The following SACM1L variants were observed in gnomAD, a reference collection of about 807,000 sequenced individuals.
SACM1L encodes phosphatidylinositol-3-phosphatase SAC1.
SACM1L carries 32 observed loss-of-function variants against 89.5 expected under a neutral mutation model. The observed-to-expected ratio is 0.36, with a 90% confidence interval of 0.27 to 0.48. The LOEUF (loss-of-function observed/expected upper bound fraction) is 0.48, where lower values mean the gene tolerates loss of function less well. SACM1L is among the 20% of genes least tolerant of loss of function. SACM1L has a pLI of 0.99. For synonymous variants in SACM1L, 213 were observed against 232.8 expected (o/e 0.92, Z 0.77); for missense variants, 543 against 708.5 (o/e 0.77, Z 2.65).
rs890534679 is a variant in SACM1L, at chr3:45,743,590, G to A, written c.1685G>A (p.Gly562Glu). 1.2e-6 allele frequency: 2 copies of A among 1,614,036 alleles called. No individual in the cohort carries two copies. Among genetic ancestry groups the A allele is most frequent in the Admixed American group, 3.3e-5 (2 of 59,998 alleles). Reference protein sequence around the residue: ...YVLFWGVASIGTFFIILYNGK... With the variant: ...YVLFWGVASIETFFIILYNGK... ...CTCTTCTGGGGAGTTGCAAGCATTG[G>A]AACATTTTTTATCATTCTTTACAAT... is the stretch of plus-strand genomic sequence containing the variant. Residue 562 changes from glycine (G) to glutamate (E), a missense_variant, in exon 20 of 20, where the codon GGA becomes GAA. Physicochemically the swap from Gly to Glu is moderately conservative, Grantham distance 98. Coordinates refer to ENST00000389061, the MANE Select transcript of SACM1L (RefSeq NM_014016.5).
chr3:45,727,838 G>A (rs377178619), intron 11 of SACM1L, among the ~76,000 whole-genome samples: 4 of 152,142 alleles, frequency 2.6e-5, no homozygotes. Context: ...CTCGTGATCT[G>A]CCCGCCTCGG....
At chr3:45,690,921 C>T (rs1355045160) in intron 1 of SACM1L, among the ~76,000 whole-genome samples, 1 of 139,250 alleles carries the variant, frequency 7.2e-6, no homozygotes, top group African/African-American at 2.4e-5. Context: ...CACCAGGTCT[C>T]AAATGTGTTT....
intron 1 of SACM1L, among the ~76,000 whole-genome samples, chr3:45,695,821 C>G (rs1698108655): frequency 6.6e-6 from 1 of 152,100 alleles, no homozygotes; most frequent in African/African-American, 2.4e-5. Flanking sequence ...TTAAACAACT[C>G]CCCATTTCTG....
intron 5 of SACM1L, among the ~76,000 whole-genome samples, chr3:45,710,679 T>G (rs151217153): frequency 1.3e-5 from 2 of 152,238 alleles, no homozygotes; most frequent in Non-Finnish European, 2.9e-5. Context: ...CCATCTTACT[T>G]ATTAGGTTGG....
At chr3:45,738,747 A>G (rs766682304) in intron 17 of SACM1L, 34 bp from the exon 18 acceptor site, 2 of 1,541,840 alleles carry the variant, frequency 1.3e-6, no homozygotes, top group African/African-American at 1.4e-5. Context: ...GTTATCTCAC[A>G]CTGAGTTTAC....
chr3:45,704,420 A>G (rs1230950366), intron 2 of SACM1L, among the ~76,000 whole-genome samples: 1 of 152,120 alleles, frequency 6.6e-6, no homozygotes, highest in Non-Finnish European at 1.5e-5. Context: ...TAGGTACTAT[A>G]TATAGTTTGT....
At chr3:45,709,436 T>C (rs1393151709) in intron 4 of SACM1L, 62 bp from the exon 5 acceptor site, 8 of 1,424,634 alleles carry the variant, frequency 5.6e-6, no homozygotes, top group Non-Finnish European at 7.7e-6. Flanking sequence ...ATTTGTATTC[T>C]TTTCTCATGC....
rs548903208 is a variant in SACM1L, at chr3:45,735,089, C to T, written c.1101-146C>T. 6.6e-6 allele frequency: 5 copies of T among 757,952 alleles called. No individual in the cohort carries two copies. The South Asian group carries it at 9.6e-5, about 15-fold the overall frequency. The allele number at this position is 757,952 out of a possible 1,614,324, so 47.0% of individuals were successfully genotyped here. ...ACTTCTTTTTGGTCTAGGATAATCA[C>T]ATATGCCTGACCACACATTCCTGTC... On this transcript the variant is annotated intron_variant, in intron 13 of 19. Transcript: ENST00000389061.
intron 1 of SACM1L, among the ~76,000 whole-genome samples, chr3:45,700,214 T>C (rs1435721176): frequency 2.0e-5 from 3 of 152,234 alleles, no homozygotes. Flanking sequence ...GCTTGGTGAA[T>C]AATAATCTTT....
chr3:45,724,633 G>A (rs527914222), intron 11 of SACM1L, among the ~76,000 whole-genome samples: 3 of 152,158 alleles, frequency 2.0e-5, no homozygotes, highest in African/African-American at 7.2e-5. Context: ...TATACAAATT[G>A]TTTAAGTCCA....
intron 5 of SACM1L, 56 bp from the exon 6 acceptor site, chr3:45,713,081 C>A: frequency 7.0e-7 from 1 of 1,425,718 alleles, no homozygotes; most frequent in East Asian, 2.3e-5. Context: ...AGTTTTCTTT[C>A]TGTAGAAAGT....
intron 1 of SACM1L, among the ~76,000 whole-genome samples, chr3:45,696,378 T>C (rs995055965): frequency 3.3e-5 from 5 of 152,242 alleles, no homozygotes; most frequent in Admixed American, 2.6e-4. Context: ...AATAGACACA[T>C]AGGTGGCTTC....
At chr3:45,742,258 T>C (rs1480800911) in intron 19 of SACM1L, among the ~76,000 whole-genome samples, 2 of 152,216 alleles carry the variant, frequency 1.3e-5, no homozygotes, top group Non-Finnish European at 2.9e-5. Context: ...CGAGTATATT[T>C]TGAGTAAAAA....
chr3:45,690,648 A>T (rs1330772716), intron 1 of SACM1L, among the ~76,000 whole-genome samples: 1 of 152,228 alleles, frequency 6.6e-6, no homozygotes, highest in African/African-American at 2.4e-5. Flanking sequence ...CTTTTTCTAC[A>T]GTGCACCCCC....
In SACM1L at chr3:45,705,171, C is replaced by T; in HGVS notation, c.167C>T (p.Pro56Leu). ...KDVPPSAVTRPIFGILGTIHL... is the reference protein window; with the variant it reads ...KDVPPSAVTRLIFGILGTIHL... ...GTTCCTCCTTCAGCTGTCACAAGAC[C>T]AATATTTGGTATACTGGGCACAATC... Residue 56 changes from proline (P) to leucine (L), a missense_variant, in exon 3 of 20, where the codon CCA (proline) becomes CTA (leucine). This residue lies in a region of SACM1L where 173 missense variants were observed against 180.9 expected (regional missense o/e 0.96). Transcript: ENST00000389061. 1 of 1,610,558 alleles carries T rather than the reference C, an allele frequency of 6.2e-7. No homozygotes were observed. The highest frequency in any genetic ancestry group is 8.5e-7 in the Non-Finnish European group (1 of 1,177,826).
chr3:45,739,915 G>A (rs373765409), intron 19 of SACM1L: 1 of 470,950 alleles, frequency 2.1e-6, no homozygotes, highest in Non-Finnish European at 3.8e-6. Flanking sequence ...GTCTCAGTCA[G>A]TTTAGAGGCT....
chr3:45,724,812 G>A (rs1011358873), intron 11 of SACM1L, among the ~76,000 whole-genome samples: 1 of 152,046 alleles, frequency 6.6e-6, no homozygotes, highest in Non-Finnish European at 1.5e-5. Context: ...TTTGTTTCGT[G>A]TATGTGTGTC....
intron 10 of SACM1L, among the ~76,000 whole-genome samples, chr3:45,723,227 C>T (rs1698830302): frequency 6.6e-6 from 1 of 151,944 alleles, no homozygotes. Flanking sequence ...TTTTAGGGTA[C>T]TTAATATATT....
chr3:45,705,496 A>ATTTTTTTTTTTTTTTTTTTTTTTTTTT (rs36040487), intron 3 of SACM1L, among the ~76,000 whole-genome samples: 3 of 103,226 alleles, frequency 2.9e-5, no homozygotes, highest in South Asian at 3.1e-4. Flanking sequence ...TGTAAATAAA[A>ATTTTTTTTTTTTTTTTTTTTTTTTTTT]TTTTTTTTTT....
Sources: gnomAD v4.1 joint callset for allele counts (sites outside exome capture counted in the v4.1 genomes callset) on GRCh38, gnomAD v4.1.1 for gene constraint, gnomAD v4.1.1 regional missense constraint, MANE v1.5 for transcripts, NCBI Gene and HGNC (gene_info 2026-07-23, HGNC 2026-07-21) for gene names.